The following RASEF variants were observed in gnomAD, a reference collection of about 807,000 sequenced individuals.
RASEF encodes ras and EF-hand domain-containing protein.
In RASEF, 68 loss-of-function variants were observed where a neutral mutation model predicts 90.1. The observed-to-expected ratio is 0.75, with a 90% CI of 0.62 to 0.92. RASEF has a LOEUF of 0.92. RASEF is among the 40% of genes least tolerant of loss of function. RASEF has a pLI of 0.00. For synonymous variants in RASEF, 331 were observed against 345.2 expected, an observed-to-expected ratio of 0.96 and a Z score of 0.46; for missense variants, 949 against 937.2, an observed-to-expected ratio of 1.01 and a Z score of -0.16.
the RASEF span, among the ~76,000 whole-genome samples, chr9:83,208,167 G>T: frequency 6.6e-6 from 1 of 152,082 alleles, no homozygotes; most frequent in African/African-American, 2.4e-5. Context: ...GTTGTCAACC[G>T]GCCATCCTGC....
At chr9:83,205,273 G>A in the RASEF span, among the ~76,000 whole-genome samples, 3 of 152,218 alleles carry the variant, frequency 2.0e-5, no homozygotes, top group African/African-American at 7.2e-5. Context: ...GTACTGAATT[G>A]ATATCACTGT....
chr9:83,116,311 G>A, the RASEF span, among the ~76,000 whole-genome samples: 2 of 152,118 alleles, frequency 1.3e-5, no homozygotes, highest in African/African-American at 4.8e-5. Flanking sequence ...TATGACATGG[G>A]CCACACTCCT....
chr9:83,090,408 C>CTT, the RASEF span, among the ~76,000 whole-genome samples: 46 of 145,022 alleles, frequency 3.2e-4, no homozygotes, highest in African/African-American at 1.1e-3. Context: ...ATGAGCCATA[C>CTT]TTTTTTTTTT....
the RASEF span, among the ~76,000 whole-genome samples, chr9:83,145,578 A>G: frequency 6.6e-6 from 1 of 152,194 alleles, no homozygotes; most frequent in Non-Finnish European, 1.5e-5. Flanking sequence ...TGGTCTATTG[A>G]CAGAGCCTAG....
At chr9:83,170,813 T>A in the RASEF span, among the ~76,000 whole-genome samples, 1 of 151,754 alleles carries the variant, frequency 6.6e-6, no homozygotes, top group Non-Finnish European at 1.5e-5. Context: ...TTCTAACAGG[T>A]TTTTTTGGTG....
upstream of RASEF, among the ~76,000 whole-genome samples, chr9:83,067,718 C>G (rs1311565293): frequency 6.6e-6 from 1 of 152,140 alleles, no homozygotes; most frequent in Non-Finnish European, 1.5e-5. Flanking sequence ...AGTTGGCGTT[C>G]ATTATTAGAA....
chr9:83,076,124 C>T, the RASEF span, among the ~76,000 whole-genome samples: 3 of 150,392 alleles, frequency 2.0e-5, no homozygotes, highest in East Asian at 2.0e-4. Context: ...GCCGAGATGG[C>T]GCCACTGTAC....
intron 9 of RASEF, among the ~76,000 whole-genome samples, chr9:83,003,425 T>G (rs946929214): frequency 1.3e-5 from 2 of 152,216 alleles, no homozygotes; most frequent in Admixed American, 6.5e-5. Context: ...TGAATCATGG[T>G]GAAATTTCTG....
chr9:83,015,164 G>A (rs895090338), intron 4 of RASEF, among the ~76,000 whole-genome samples: 3 of 152,148 alleles, frequency 2.0e-5, no homozygotes, highest in Non-Finnish European at 4.4e-5. Flanking sequence ...TTTGCAATAA[G>A]CTAGGGGTAG....
chr9:83,176,370 A>T, the RASEF span, among the ~76,000 whole-genome samples: 1 of 152,150 alleles, frequency 6.6e-6, no homozygotes, highest in East Asian at 1.9e-4. Context: ...ATTTCAATCT[A>T]TGTTTCTTTA....
the RASEF span, among the ~76,000 whole-genome samples, chr9:83,083,386 A>G: frequency 6.6e-6 from 1 of 152,226 alleles, no homozygotes; most frequent in Non-Finnish European, 1.5e-5. Context: ...ACATTCGACC[A>G]TATTCTATCA....
chr9:83,202,029 T>C, the RASEF span: 124,485 of 156,908 alleles, frequency 0.79, 49,936 homozygotes, highest in East Asian at 0.96. Context: ...TCTCCAGTTA[T>C]GGCCCTCTGG....
At chr9:83,130,953 G>C in the RASEF span, among the ~76,000 whole-genome samples, 1 of 152,242 alleles carries the variant, frequency 6.6e-6, no homozygotes, top group East Asian at 1.9e-4. Context: ...CACTGAACAA[G>C]TGTCCTGGAC....
intron 3 of RASEF, 132 bp downstream of exon 3, chr9:83,022,204 C>T (rs1829457109): frequency 1.5e-6 from 1 of 687,422 alleles, no homozygotes; most frequent in African/African-American, 1.8e-5. Flanking sequence ...GTAAAAATTC[C>T]TTTGCTGGGA....
the RASEF span, among the ~76,000 whole-genome samples, chr9:83,116,726 A>G: frequency 6.6e-6 from 1 of 152,308 alleles, no homozygotes; most frequent in East Asian, 1.9e-4. Flanking sequence ...AAATTCAAAT[A>G]ATGAACAGGT....
At chr9:83,037,230 G>A (rs1829758071) in intron 1 of RASEF, among the ~76,000 whole-genome samples, 1 of 152,158 alleles carries the variant, frequency 6.6e-6, no homozygotes, top group African/African-American at 2.4e-5. Flanking sequence ...AATGAGAGCT[G>A]TGTATATTGC....
At chr9:83,216,638 C>T in the RASEF span, among the ~76,000 whole-genome samples, 29,536 of 152,108 alleles carry the variant, frequency 0.19, 3,461 homozygotes, top group East Asian at 0.61. Flanking sequence ...TAGGGCAGTG[C>T]GAAAGGGAAA....
the RASEF span, among the ~76,000 whole-genome samples, chr9:83,141,593 G>A: frequency 2.6e-5 from 4 of 152,174 alleles, no homozygotes; most frequent in Non-Finnish European, 4.4e-5. Context: ...AGTCTGAGGC[G>A]TTCTTGTCCG....
the RASEF span, among the ~76,000 whole-genome samples, chr9:83,100,870 T>C: frequency 5.3e-5 from 8 of 152,236 alleles, no homozygotes; most frequent in African/African-American, 1.9e-4. Flanking sequence ...TTATCTCTTA[T>C]GTTTTTCATA....
Sources: allele counts gnomAD v4.1 joint callset (sites outside exome capture counted in the v4.1 genomes callset), GRCh38; gene constraint gnomAD v4.1.1; transcripts MANE v1.5; gene names NCBI Gene and HGNC (gene_info 2026-07-23, HGNC 2026-07-21).